The following SCAMP1 variants were observed in gnomAD, a reference collection of about 807,000 sequenced individuals.
SCAMP1 encodes the protein secretory carrier-associated membrane protein 1.
In SCAMP1, 15 loss-of-function variants were observed where a neutral mutation model predicts 41.8. That is an observed-to-expected ratio of 0.36 (90% CI 0.24 to 0.55). SCAMP1 has a LOEUF of 0.55. Ranked by LOEUF, SCAMP1 falls within the 20% of genes least tolerant of loss-of-function variation. SCAMP1 has a pLI of 0.86. For missense variants in SCAMP1, 341 were observed against 412.6 expected, an observed-to-expected ratio of 0.83 and a Z score of 1.50; for synonymous variants, 135 against 136.8, an observed-to-expected ratio of 0.99 and a Z score of 0.09.
At chr5:78,474,569 T>TA (rs1180559179) in intron 8 of SCAMP1, among the ~76,000 whole-genome samples, 1 of 152,174 alleles carries the variant, frequency 6.6e-6, no homozygotes, top group African/African-American at 2.4e-5. Flanking sequence ...ACCTCACAGT[T>TA]ACCAGTTCCT....
chr5:78,382,735 G>A (rs1034450694), intron 1 of SCAMP1, among the ~76,000 whole-genome samples: 9 of 151,506 alleles, frequency 5.9e-5, no homozygotes, highest in African/African-American at 2.2e-4. Context: ...TGCTGCAAAT[G>A]CCACTATTTC....
intron 1 of SCAMP1, among the ~76,000 whole-genome samples, chr5:78,369,382 C>G (rs2112045318): frequency 6.6e-6 from 1 of 152,278 alleles, no homozygotes; most frequent in Admixed American, 6.5e-5. Context: ...GCTGGGATTA[C>G]AAGCGTGAGT....
intron 6 of SCAMP1, among the ~76,000 whole-genome samples, chr5:78,428,208 G>GT (rs1355524795): frequency 6.6e-6 from 1 of 152,070 alleles, no homozygotes; most frequent in Admixed American, 6.5e-5. Context: ...GTTAATTTTT[G>GT]TTTTTTGTGT....
At position 78,427,915 on chromosome 5, in the gene SCAMP1, T is replaced by C. The variant is rs574280707; in HGVS notation, c.632+5955T>C. On this transcript the variant is annotated intron_variant, in intron 6 of 8. Transcript: ENST00000621999. ...TACTATTAAGTTTATTTTTAAAATA[T>C]ATTTTGTTGTAAGAGTTCTGTATTG... Among the ~76,000 whole-genome samples the C allele has an allele frequency of 2.3e-3, 348 of 152,286 alleles. 2 individuals are homozygous for C. The highest frequency in any genetic ancestry group is 0.01 in the Middle Eastern group (3 of 294).
chr5:78,398,869 C>T (rs1211615925), intron 2 of SCAMP1, among the ~76,000 whole-genome samples: 1 of 152,058 alleles, frequency 6.6e-6, no homozygotes, highest in Non-Finnish European at 1.5e-5. Context: ...TGATGTTGTA[C>T]ATTCTGTGGG....
At chr5:78,380,066 T>C (rs547128229) in intron 1 of SCAMP1, among the ~76,000 whole-genome samples, 1 of 152,322 alleles carries the variant, frequency 6.6e-6, no homozygotes, top group African/African-American at 2.4e-5. Flanking sequence ...AGCTTAACAT[T>C]TGTTTACACT....
intron 3 of SCAMP1, among the ~76,000 whole-genome samples, chr5:78,416,110 A>G (rs1752202674): frequency 6.6e-6 from 1 of 152,188 alleles, no homozygotes; most frequent in African/African-American, 2.4e-5. Flanking sequence ...AGATATTAGA[A>G]AATATTCTTG....
At chr5:78,471,910 C>G (rs1035324374) in intron 8 of SCAMP1, among the ~76,000 whole-genome samples, 8 of 152,038 alleles carry the variant, frequency 5.3e-5, no homozygotes, top group African/African-American at 1.9e-4. Context: ...GGCCAGCCAG[C>G]TAGAAAGTAG....
Position 78,421,901 on chromosome 5 carries a change from C to T in SCAMP1, c.573C>T (p.Phe191=). Residue 191 remains phenylalanine, a synonymous_variant, in exon 6 of 9, where the codon TTC becomes TTT. Coordinates refer to ENST00000621999, the MANE Select transcript of SCAMP1 (RefSeq NM_004866.6). ...ATTTTGGATTGAGTATCCTGTGGTT[C>T]TTGCTTTTTACTCCTTGTTCATTTG... ...AVDFGLSILW[F]LLFTPCSFVC... 6.2e-7 allele frequency: 1 copy of T among 1,613,664 alleles called. No homozygotes were observed. The highest frequency in any genetic ancestry group is 8.5e-7 in the Non-Finnish European group (1 of 1,179,744).
intron 1 of SCAMP1, among the ~76,000 whole-genome samples, chr5:78,361,885 C>T (rs992814084): frequency 1.3e-5 from 2 of 152,182 alleles, no homozygotes; most frequent in African/African-American, 2.4e-5. Context: ...AAGAGGAAAA[C>T]TATTTCTGCT....
At chr5:78,414,748 G>A (rs1312170415) in intron 2 of SCAMP1, among the ~76,000 whole-genome samples, 5 of 152,020 alleles carry the variant, frequency 3.3e-5, no homozygotes, top group African/African-American at 1.2e-4. Flanking sequence ...ATCCTCACTG[G>A]CAAAGTGGAA....
rs1347907603 is a variant in SCAMP1, at chr5:78,453,534, C to T, written c.734+3500C>T. Among the ~76,000 whole-genome samples the T allele has an allele frequency of 5.9e-5, 9 of 151,554 alleles. No individual in the cohort carries two copies. The East Asian group carries it at 9.6e-4, about 16-fold the overall frequency. On this transcript the variant is annotated intron_variant, in intron 7 of 8. Coordinates refer to ENST00000621999, the MANE Select transcript of SCAMP1 (RefSeq NM_004866.6). The stretch of plus-strand genomic sequence containing the variant: ...TATTTCTGAGGGCTCTGTTCTGTTC[C>T]ATTGATCTATATCTCTGTTTTGGTA...
intron 6 of SCAMP1, among the ~76,000 whole-genome samples, chr5:78,443,184 G>C (rs889257061): frequency 8.0e-6 from 1 of 124,700 alleles, no homozygotes; most frequent in Non-Finnish European, 1.6e-5. Flanking sequence ...CTGCACTCCA[G>C]CCTGGGCAAC....
At chr5:78,405,807 T>C (rs1213148018) in intron 2 of SCAMP1, among the ~76,000 whole-genome samples, 2 of 152,232 alleles carry the variant, frequency 1.3e-5, no homozygotes, top group Admixed American at 6.5e-5. Flanking sequence ...CCTTTATCTA[T>C]TTGAAAACTC....
intron 7 of SCAMP1, among the ~76,000 whole-genome samples, chr5:78,454,204 A>G (rs1753321203): frequency 6.6e-6 from 1 of 151,586 alleles, no homozygotes; most frequent in African/African-American, 2.4e-5. Context: ...CCCTGGCCAG[A>G]ACTTCCAACA....
In SCAMP1 at chr5:78,455,142, A is replaced by C. The variant is rs1316631584; in HGVS notation, c.735-4103A>C. Reference sequence around the variant, plus strand: ...ATCCTTTCAAAAAACCAGCTCCTGGATTCATTAATTTTTTGAAGGGTTTTT... The same window carrying C: ...ATCCTTTCAAAAAACCAGCTCCTGGCTTCATTAATTTTTTGAAGGGTTTTT... On this transcript the variant is annotated intron_variant, in intron 7 of 8. Transcript: ENST00000621999. Among the ~76,000 whole-genome samples, 10 of 150,190 alleles carry C rather than the reference A, an allele frequency of 6.7e-5. No homozygotes were observed. In the East Asian group the frequency reaches 2.0e-3, roughly 30 times the overall value.
intron 1 of SCAMP1, among the ~76,000 whole-genome samples, chr5:78,361,642 T>A (rs1750656163): frequency 6.6e-6 from 1 of 152,280 alleles, no homozygotes; most frequent in Non-Finnish European, 1.5e-5. Flanking sequence ...TAACTCTCTC[T>A]TTGAAAGTAT....
chr5:78,471,158 C>T (rs530027001), intron 8 of SCAMP1, among the ~76,000 whole-genome samples: 16 of 152,206 alleles, frequency 1.1e-4, no homozygotes, highest in African/African-American at 3.4e-4. Context: ...GACAGAAACC[C>T]TGTAAAAGAA....
intron 2 of SCAMP1, among the ~76,000 whole-genome samples, chr5:78,399,104 T>C (rs1245989863): frequency 6.6e-6 from 1 of 152,178 alleles, no homozygotes; most frequent in Non-Finnish European, 1.5e-5. Flanking sequence ...TTTCACTTAG[T>C]AGTATGCATA....
Sources: allele counts gnomAD v4.1 joint callset (sites outside exome capture counted in the v4.1 genomes callset), GRCh38; gene constraint gnomAD v4.1.1; transcripts MANE v1.5; gene names NCBI Gene and HGNC (gene_info 2026-07-23, HGNC 2026-07-21).